RAD51D: variants seen among roughly 807,000 people sequenced by gnomAD.
RAD51D encodes DNA repair protein RAD51 homolog 4.
RAD51D carries 38 observed loss-of-function variants against 44.1 expected under a neutral mutation model. The ratio of observed to expected loss-of-function variants is 0.86; its 90% CI spans 0.67 to 1.13. RAD51D has a LOEUF of 1.13. RAD51D is among the 50% of genes most tolerant of loss of function. The pLI, the probability that RAD51D is intolerant of heterozygous loss-of-function variation, is 0.00. For synonymous variants in RAD51D, 141 were observed against 166.6 expected (o/e 0.85, Z 1.18); for missense variants, 390 against 414.0 (o/e 0.94, Z 0.50).
In RAD51D at chr17:35,119,040, G is replaced by A. The variant is rs997107723; in HGVS notation, c.144+71C>T. The A allele has an allele frequency of 3.5e-5, 50 of 1,441,238 alleles. 1 individual carries two copies. In the Admixed American group the frequency reaches 5.0e-4, roughly 15 times the overall value. 89.3% of individuals were successfully genotyped at this position (1,441,238 alleles called of 1,614,324 possible). ...GCTGGGATTACAGGCATGAGCCACCGCGCCCAGCTGGCTTGGGATGGACTT... is the reference window on the plus strand; with the variant it reads ...GCTGGGATTACAGGCATGAGCCACCACGCCCAGCTGGCTTGGGATGGACTT... On this transcript the variant is annotated intron_variant, in intron 2 of 9. Transcript: ENST00000345365.
rs786202750 is a variant in RAD51D at position 35,106,397 on chromosome 17, CA to C, written c.564del (p.Val189TrpfsTer5). 7 of 1,613,072 alleles carry C rather than the reference CA, an allele frequency of 4.3e-6. No homozygotes were observed. The highest frequency in any genetic ancestry group is 5.9e-6 in the Non-Finnish European group (7 of 1,179,530). The part of the protein sequence containing the change: ...MLDVLQELRG[T>X]VAQQVTGSSG... ...AACAGCAGGCTCACCTGCTGGGCCA[CA>C]GTGCCTCGGAGCTCCTGCAGCACAT... On this transcript the variant is annotated frameshift_variant, in exon 6 of 10. Coordinates refer to ENST00000345365, the MANE Select transcript of RAD51D (RefSeq NM_002878.4). LOFTEE classifies it high-confidence loss of function.
chr17:35,115,389 A>G (rs563775178), intron 3 of RAD51D: 209 of 465,032 alleles, frequency 4.5e-4, no homozygotes, highest in African/African-American at 3.9e-3. Context: ...CTTTTCCCAA[A>G]GTACGTTACA....
At position 35,103,334 on chromosome 17, in the gene RAD51D, G is replaced by T. The variant is rs1597858472; in HGVS notation, c.668-10C>A. 6.2e-7 allele frequency: 1 copy of T among 1,612,732 alleles called. No homozygotes were observed. Among genetic ancestry groups the T allele is most frequent in the Non-Finnish European group, 8.5e-7 (1 of 1,179,420 alleles). ...ATCATCAAGGCCAAGCCTGCAGGAG[G>T]AGGAGAAGCAGAGAGGGAGGGCAGT... On this transcript the variant is annotated splice_polypyrimidine_tract_variant and intron_variant, in intron 7 of 9. Transcript: ENST00000345365. The surrounding 1 kb of genome is among the most constrained non-coding windows in gnomAD (Gnocchi z 4.1).
rs554669802 is a variant in RAD51D, at chr17:35,098,623, C to T, written c.*2330G>A. The stretch of plus-strand genomic sequence containing the variant: ...GTTTCACCATGTTGGTCAGGCTGGT[C>T]TGGAACTCCTGACCTTAGGTGATCC... On this transcript the variant is annotated 3_prime_UTR_variant, in exon 10 of 10. Coordinates refer to ENST00000345365, the MANE Select transcript of RAD51D (RefSeq NM_002878.4). 4.5e-4 allele frequency: 69 copies of T among 152,166 alleles called. 1 individual carries two copies. The highest frequency in any genetic ancestry group is 1.4e-3 in the African/African-American group (58 of 41,488). 9.4% of individuals were successfully genotyped at this position (152,166 alleles called of 1,614,324 possible).
At chr17:35,111,289 G>A (rs1262444784) in intron 3 of RAD51D, among the ~76,000 whole-genome samples, 1 of 151,306 alleles carries the variant, frequency 6.6e-6, no homozygotes, top group Non-Finnish European at 1.5e-5. Context: ...GGGAGGCGGA[G>A]GTTGCGGTGA....
chr17:35,104,469 C>T (rs552926424), intron 6 of RAD51D, among the ~76,000 whole-genome samples: 1 of 152,290 alleles, frequency 6.6e-6, no homozygotes, highest in Admixed American at 6.5e-5. Context: ...TCTGCCTCCT[C>T]GGTTCAAACG....
rs1390798395 is a variant in RAD51D at position 35,119,757 on chromosome 17, A to C, written c.-144T>G. 1.2e-5 allele frequency: 10 copies of C among 825,000 alleles called. No homozygotes were observed. The highest frequency in any genetic ancestry group is 2.6e-5 in the East Asian group (1 of 37,852). 51.1% of individuals were successfully genotyped at this position (825,000 alleles called of 1,614,324 possible). ...GCCGGAGGAGAAAGGAGAGAGGAGG[A>C]GGCGGCACCAAGGGTAGGGCTGGGG... is the stretch of plus-strand genomic sequence containing the variant. On this transcript the variant is annotated 5_prime_UTR_variant, in exon 1 of 10. Coordinates refer to ENST00000345365, the MANE Select transcript of RAD51D (RefSeq NM_002878.4).
intron 6 of RAD51D, among the ~76,000 whole-genome samples, chr17:35,104,631 A>G (rs990470736): frequency 2.0e-5 from 3 of 152,108 alleles, no homozygotes; most frequent in Non-Finnish European, 4.4e-5. Context: ...TGATCTGGCC[A>G]CTTTGGCCTC....
rs1597858984 is a variant in RAD51D, at chr17:35,103,565, C to T, written c.577-21G>A. Reference sequence around the variant, plus strand: ...GTCACCTGAAGGAATGTGGGGGAAGCACTCATGAACCTGTCAGCCTCTAGG... The same window carrying T: ...GTCACCTGAAGGAATGTGGGGGAAGTACTCATGAACCTGTCAGCCTCTAGG... On this transcript the variant is annotated intron_variant, in intron 6 of 9. Coordinates refer to ENST00000345365, the MANE Select transcript of RAD51D (RefSeq NM_002878.4). This position sits in a 1 kb window ranked among gnomAD's most constrained non-coding sequence, Gnocchi z 4.1. 6.3e-7 allele frequency: 1 copy of T among 1,589,642 alleles called. No individual in the cohort carries two copies. Among genetic ancestry groups the T allele is most frequent in the Non-Finnish European group, 8.6e-7 (1 of 1,157,922 alleles).
intron 3 of RAD51D, among the ~76,000 whole-genome samples, chr17:35,118,253 C>T (rs895800477): frequency 6.6e-6 from 1 of 152,156 alleles, no homozygotes; most frequent in Non-Finnish European, 1.5e-5. Context: ...AAACATCCTA[C>T]ACTGCACAGG....
rs1431395201 is a variant in RAD51D at position 35,100,146 on chromosome 17, GCAC to G, written c.*804_*806del. ...CTGTACTGTGGAGGGGCCCCACAGG[GCAC>G]CATGCATATTAAATGAGTGGCTGGA... is the stretch of plus-strand genomic sequence containing the variant. On this transcript the variant is annotated 3_prime_UTR_variant, in exon 10 of 10. Transcript: ENST00000345365. 1.9e-6 allele frequency: 1 copy of G among 532,756 alleles called. No individual in the cohort carries two copies. The highest frequency in any genetic ancestry group is 3.6e-6 in the Non-Finnish European group (1 of 275,452). 33.0% of individuals were successfully genotyped at this position (532,756 alleles called of 1,614,324 possible). A position where few individuals can be genotyped will look rare whatever the true frequency, so the allele number is the denominator to read the frequency against.
Position 35,103,350 on chromosome 17 carries a change from G to A in RAD51D, c.668-26C>T, listed in dbSNP as rs2142419132. 1 of 1,612,484 alleles carries A rather than the reference G, an allele frequency of 6.2e-7. No homozygotes were observed. The highest frequency in any genetic ancestry group is 8.5e-7 in the Non-Finnish European group (1 of 1,179,030). ...CTGCAGGAGGAGGAGAAGCAGAGAG[G>A]GAGGGCAGTGGGGAACCAGGGATGG... On this transcript the variant is annotated intron_variant, in intron 7 of 9. Coordinates refer to ENST00000345365, the MANE Select transcript of RAD51D (RefSeq NM_002878.4). The surrounding 1 kb of genome is among the most constrained non-coding windows in gnomAD (Gnocchi z 4.1).
chr17:35,114,293 T>A (rs535416099), intron 3 of RAD51D, among the ~76,000 whole-genome samples: 4 of 150,664 alleles, frequency 2.7e-5, no homozygotes, highest in African/African-American at 4.9e-5. Context: ...ATTAATTAAT[T>A]AAATAAAATA....
chr17:35,111,105 G>A (rs530817067), intron 3 of RAD51D, among the ~76,000 whole-genome samples: 24 of 142,732 alleles, frequency 1.7e-4, no homozygotes, highest in South Asian at 4.5e-4. Context: ...CAGGCCAGGC[G>A]CGTTGACTCA....
At position 35,103,671 on chromosome 17, in the gene RAD51D, G is replaced by A. The variant is rs1013765394; in HGVS notation, c.577-127C>T. ...CCATCCCAAATACAGCAAGCTGCAC[G>A]GGCATCACAGAATGTCATCAGCAGC... is the stretch of plus-strand genomic sequence containing the variant. On this transcript the variant is annotated intron_variant, in intron 6 of 9. Coordinates refer to ENST00000345365, the MANE Select transcript of RAD51D (RefSeq NM_002878.4). This position sits in a 1 kb window ranked among gnomAD's most constrained non-coding sequence, Gnocchi z 4.1. 24 of 723,448 alleles carry A rather than the reference G, an allele frequency of 3.3e-5. No individual in the cohort carries two copies. Among genetic ancestry groups the A allele is most frequent in the Middle Eastern group, 3.3e-4 (1 of 2,996 alleles). 44.8% of individuals were successfully genotyped at this position (723,448 alleles called of 1,614,324 possible).
chr17:35,118,996 C>A, intron 2 of RAD51D, 115 bp downstream of exon 2: 1 of 965,072 alleles, frequency 1.0e-6, no homozygotes, highest in Non-Finnish European at 1.7e-6. Context: ...GTGACCCACC[C>A]GCCTCGGCCT....
chr17:35,101,152 C>T (rs768298299), intron 9 of RAD51D, 49 bp downstream of exon 9: 4 of 1,613,904 alleles, frequency 2.5e-6, no homozygotes, highest in Non-Finnish European at 3.4e-6. Flanking sequence ...GGTATGGAAA[C>T]CACCCTCCAG....
chr17:35,103,305 C>A lies in RAD51D; in HGVS notation c.687G>T (p.Gln229His), dbSNP rs1555567528. 6.2e-7 allele frequency: 1 copy of A among 1,612,176 alleles called. No individual in the cohort carries two copies. ...QQREGLALMMQLARELKTLAR... is the reference protein window; with the variant it reads ...QQREGLALMMHLARELKTLAR... ...CCAGGGTCTTCAGCTCTCGGGCCAG[C>A]TGCATCATCAAGGCCAAGCCTGCAG... Residue 229 changes from glutamine to histidine, a missense_variant, in exon 8 of 10, where the codon CAG becomes CAT. Coordinates refer to ENST00000345365, the MANE Select transcript of RAD51D (RefSeq NM_002878.4). This position sits in a 1 kb window ranked among gnomAD's most constrained non-coding sequence, Gnocchi z 4.1.
chr17:35,105,431 C>T (rs2091588447), intron 6 of RAD51D, among the ~76,000 whole-genome samples: 1 of 152,308 alleles, frequency 6.6e-6, no homozygotes. Flanking sequence ...ATTAGGATTA[C>T]AGGTGTGGGC....
Sources: allele counts gnomAD v4.1 joint callset (sites outside exome capture counted in the v4.1 genomes callset), GRCh38; gene constraint gnomAD v4.1.1; non-coding constraint Gnocchi (gnomAD v3.1); transcripts MANE v1.5; gene names NCBI Gene and HGNC (gene_info 2026-07-23, HGNC 2026-07-21).